The following ENTREP2 variants were observed in gnomAD, a reference collection of about 807,000 sequenced individuals.
The protein encoded by ENTREP2 is protein ENTREP2.
the ENTREP2 span, among the ~76,000 whole-genome samples, chr15:29,460,124 C>T: frequency 4.9e-5 from 6 of 123,318 alleles, no homozygotes; most frequent in Non-Finnish European, 8.8e-5. Flanking sequence ...TGGTGGTGCA[C>T]GCCTGTAGTC....
At chr15:29,229,677 C>G in the ENTREP2 span, among the ~76,000 whole-genome samples, 1 of 152,162 alleles carries the variant, frequency 6.6e-6, no homozygotes, top group Admixed American at 6.5e-5. Context: ...TTTCTCCTGG[C>G]TTTGGATATG....
At chr15:29,437,077 T>C in the ENTREP2 span, among the ~76,000 whole-genome samples, 8 of 152,340 alleles carry the variant, frequency 5.3e-5, no homozygotes, top group East Asian at 9.6e-4. Flanking sequence ...CTTCATTAGT[T>C]ATCCGAAACC....
chr15:29,290,410 C>G, the ENTREP2 span, among the ~76,000 whole-genome samples: 1 of 152,132 alleles, frequency 6.6e-6, no homozygotes, highest in African/African-American at 2.4e-5. Context: ...TCCCATGACT[C>G]TATATTCAGG....
chr15:29,197,700 A>G, the ENTREP2 span, among the ~76,000 whole-genome samples: 1 of 151,390 alleles, frequency 6.6e-6, no homozygotes, highest in Admixed American at 6.6e-5. Flanking sequence ...CAGGATGCGG[A>G]GGTTGCAGTG....
At chr15:29,662,231 AAAG>A in the ENTREP2 span, among the ~76,000 whole-genome samples, 3 of 150,288 alleles carry the variant, frequency 2.0e-5, no homozygotes, top group Non-Finnish European at 4.4e-5. Context: ...AAAAAAAAAA[AAAG>A]AAAGAAAAAA....
At chr15:29,283,848 A>C in the ENTREP2 span, among the ~76,000 whole-genome samples, 1 of 152,196 alleles carries the variant, frequency 6.6e-6, no homozygotes, top group Non-Finnish European at 1.5e-5. Context: ...CCTGGATCCT[A>C]AGAGAAACTC....
At chr15:29,487,809 C>T in the ENTREP2 span, among the ~76,000 whole-genome samples, 6 of 152,242 alleles carry the variant, frequency 3.9e-5, no homozygotes, top group African/African-American at 1.4e-4. Context: ...TATCCTGCCT[C>T]AGCCTCCAGA....
At chr15:29,640,204 A>G in the ENTREP2 span, among the ~76,000 whole-genome samples, 3 of 152,380 alleles carry the variant, frequency 2.0e-5, no homozygotes, top group East Asian at 5.8e-4. Context: ...CAGAAATAAA[A>G]AAGAATTGTG....
At chr15:29,568,005 T>C in the ENTREP2 span, among the ~76,000 whole-genome samples, 4 of 152,166 alleles carry the variant, frequency 2.6e-5, no homozygotes, top group Admixed American at 2.6e-4. Context: ...GGCAAGGCAG[T>C]TGCACCAATC....
At chr15:29,558,972 G>A in the ENTREP2 span, among the ~76,000 whole-genome samples, 1 of 151,936 alleles carries the variant, frequency 6.6e-6, no homozygotes, top group African/African-American at 2.4e-5. Context: ...GTCAATATGA[G>A]GCTATTAGTA....
At chr15:29,378,925 C>T in the ENTREP2 span, among the ~76,000 whole-genome samples, 1 of 152,106 alleles carries the variant, frequency 6.6e-6, no homozygotes, top group Non-Finnish European at 1.5e-5. Context: ...GCCTTTACTC[C>T]TCATAAAGCC....
chr15:29,296,493 A>C, the ENTREP2 span, among the ~76,000 whole-genome samples: 1 of 152,188 alleles, frequency 6.6e-6, no homozygotes, highest in African/African-American at 2.4e-5. Flanking sequence ...ATTGTTACAA[A>C]ACTACAAAAT....
chr15:29,591,437 C>T, the ENTREP2 span, among the ~76,000 whole-genome samples: 196 of 152,250 alleles, frequency 1.3e-3, 1 homozygote, highest in Non-Finnish European at 2.1e-3. Context: ...ATCCTACCTG[C>T]TACCTGTTAT....
At chr15:29,176,200 A>G in the ENTREP2 span, among the ~76,000 whole-genome samples, 2 of 152,194 alleles carry the variant, frequency 1.3e-5, no homozygotes, top group African/African-American at 4.8e-5. Context: ...CCTTAAAGAT[A>G]CAGACCTCTT....
chr15:29,159,682 C>G, the ENTREP2 span, among the ~76,000 whole-genome samples: 1 of 126,512 alleles, frequency 7.9e-6, no homozygotes, highest in Non-Finnish European at 1.7e-5. Flanking sequence ...TCCAAGTCCC[C>G]ACCAGAGTAG....
chr15:29,606,957 C>T, the ENTREP2 span, among the ~76,000 whole-genome samples: 4 of 152,118 alleles, frequency 2.6e-5, no homozygotes, highest in East Asian at 5.8e-4. Flanking sequence ...CCCCAGCTTC[C>T]TGAGTAGCTG....
the ENTREP2 span, among the ~76,000 whole-genome samples, chr15:29,211,610 G>A: frequency 1.3e-5 from 2 of 152,148 alleles, no homozygotes; most frequent in African/African-American, 4.8e-5. Flanking sequence ...TATTGGCTGC[G>A]GGTTTGTCAT....
the ENTREP2 span, among the ~76,000 whole-genome samples, chr15:29,627,540 T>TAAAAAA: frequency 8.3e-6 from 1 of 120,236 alleles, no homozygotes. Flanking sequence ...AGACTCCATC[T>TAAAAAA]AAAAAAAAAA....
chr15:29,539,203 T>TCCCCACC, the ENTREP2 span, among the ~76,000 whole-genome samples: 4 of 92,754 alleles, frequency 4.3e-5, no homozygotes, highest in African/African-American at 1.7e-4. Context: ...CCCAATCCTC[T>TCCCCACC]CCCCACCCCC....
Sources: allele counts gnomAD v4.1 joint callset (sites outside exome capture counted in the v4.1 genomes callset), GRCh38; gene constraint gnomAD v4.1.1; transcripts MANE v1.5; gene names NCBI Gene and HGNC (gene_info 2026-07-23, HGNC 2026-07-21).